MYO3B: variants seen among roughly 807,000 people sequenced by gnomAD.
MYO3B encodes myosin-IIIb.
A neutral mutation model predicts 174.6 loss-of-function variants in MYO3B; 156 were observed. That is an observed-to-expected ratio of 0.89 (90% confidence interval 0.78 to 1.02). The LOEUF is 1.02. Among genes scored for constraint, MYO3B ranks in the 50% least tolerant of loss-of-function variants. The pLI is 0.00. For missense variants in MYO3B, 1,632 were observed against 1,639.4 expected (o/e 1.00, Z 0.08); for synonymous variants, 563 against 569.1 (o/e 0.99, Z 0.15).
intron 30 of MYO3B, among the ~76,000 whole-genome samples, chr2:170,528,173 C>G (rs988327789): frequency 6.6e-6 from 1 of 152,176 alleles, no homozygotes; most frequent in African/African-American, 2.4e-5. Flanking sequence ...TTCTGTGATG[C>G]ATCTACCTTC....
rs145449479 is a variant in MYO3B at position 170,479,839 on chromosome 2, G to A, written c.3014+13128G>A. Among the ~76,000 whole-genome samples, 1,006 of 147,836 alleles carry A rather than the reference G, an allele frequency of 6.8e-3. 18 individuals carry two copies. Among genetic ancestry groups the A allele is most frequent in the African/African-American group, 0.023 (939 of 40,602 alleles). On this transcript the variant is annotated intron_variant, in intron 25 of 34. Coordinates refer to ENST00000408978, the MANE Select transcript of MYO3B (RefSeq NM_138995.5). ...ACACATATATAGGTTTAATATATAC[G>A]TATATATGCATATATAGGTGTATAT...
At chr2:170,644,716 A>G in intron 32 of MYO3B, 1 of 152,224 alleles carries the variant, frequency 6.6e-6, no homozygotes, top group Admixed American at 6.5e-5. Flanking sequence ...TGACAGATTG[A>G]CTGAATTCAG....
At chr2:170,369,475 A>G (rs1272449125) in intron 9 of MYO3B, 98 bp downstream of exon 9, 16 of 1,320,146 alleles carry the variant, frequency 1.2e-5, no homozygotes, top group Non-Finnish European at 1.5e-5. Flanking sequence ...TAGTTATTAC[A>G]TTCCTGCATT....
At chr2:170,226,889 C>T (rs1229373932) in intron 6 of MYO3B, among the ~76,000 whole-genome samples, 2 of 152,122 alleles carry the variant, frequency 1.3e-5, no homozygotes, top group African/African-American at 2.4e-5. Context: ...CTGCTGTTGC[C>T]CCTTCTCTTC....
chr2:170,573,397 T>C (rs1437316736), intron 32 of MYO3B, among the ~76,000 whole-genome samples: 4 of 152,018 alleles, frequency 2.6e-5, no homozygotes, highest in Admixed American at 1.3e-4. Flanking sequence ...AATTAATTCT[T>C]CCAAAAACAG....
chr2:170,188,299 T>C (rs2092494626), intron 1 of MYO3B, among the ~76,000 whole-genome samples: 1 of 152,156 alleles, frequency 6.6e-6, no homozygotes, highest in East Asian at 1.9e-4. Flanking sequence ...TCCATTTGCA[T>C]AGAATATTTT....
intron 6 of MYO3B, among the ~76,000 whole-genome samples, chr2:170,223,286 C>T (rs561336334): frequency 1.3e-5 from 2 of 152,300 alleles, no homozygotes; most frequent in East Asian, 3.9e-4. Context: ...CACAGTCTTC[C>T]TATTAGCCAT....
intron 7 of MYO3B, among the ~76,000 whole-genome samples, chr2:170,255,646 G>C (rs1366250448): frequency 6.6e-6 from 1 of 151,964 alleles, no homozygotes; most frequent in Non-Finnish European, 1.5e-5. Context: ...AAAAAACCCA[G>C]AACCCCATTC....
intron 7 of MYO3B, among the ~76,000 whole-genome samples, chr2:170,296,601 A>G (rs1481205227): frequency 6.6e-6 from 1 of 152,194 alleles, no homozygotes; most frequent in African/African-American, 2.4e-5. Context: ...TTCATGGGTC[A>G]TAAGCCCACT....
intron 22 of MYO3B, among the ~76,000 whole-genome samples, chr2:170,437,822 G>A (rs867718721): frequency 8.5e-5 from 13 of 152,088 alleles, no homozygotes; most frequent in Middle Eastern, 3.4e-3. Context: ...TCACAATGGC[G>A]CGCTCTATCG....
chr2:170,261,271 C>T (rs992177289), intron 7 of MYO3B, among the ~76,000 whole-genome samples: 1 of 152,054 alleles, frequency 6.6e-6, no homozygotes, highest in Non-Finnish European at 1.5e-5. Context: ...GGATCCCACC[C>T]GCCTCAGCCT....
intron 2 of MYO3B, 130 bp downstream of exon 2, chr2:170,199,521 G>C: frequency 5.4e-6 from 4 of 743,788 alleles, no homozygotes; most frequent in Non-Finnish European, 8.3e-6. Flanking sequence ...GTCATGATTT[G>C]TCAGCTTCTC....
chr2:170,519,547 A>G lies in MYO3B; in HGVS notation c.3575+7A>G, dbSNP rs753417219. On this transcript the variant is annotated splice_region_variant and intron_variant, in intron 30 of 34. Coordinates refer to ENST00000408978, the MANE Select transcript of MYO3B (RefSeq NM_138995.5). ...CTGTCACAGAGAAAAATGGGTGAGCATTATCTGCTAAGAGTTCCCTGTTGT... is the reference window on the plus strand; with the variant it reads ...CTGTCACAGAGAAAAATGGGTGAGCGTTATCTGCTAAGAGTTCCCTGTTGT... 1.6e-5 allele frequency: 25 copies of G among 1,610,078 alleles called. No homozygotes were observed. The highest frequency in any genetic ancestry group is 2.0e-5 in the Non-Finnish European group (24 of 1,176,500).
Position 170,222,688 on chromosome 2 carries a change from A to T in MYO3B, c.603+5293A>T, listed in dbSNP as rs150886004. Among the ~76,000 whole-genome samples the T allele has an allele frequency of 3.9e-5, 6 of 152,244 alleles. No homozygotes were observed. In the East Asian group the frequency reaches 1.2e-3, roughly 29 times the overall value. ...GTATGACCTCATCTGAATTCAACTA[A>T]TTGTATATACAGTGACCCTATTTCC... On this transcript the variant is annotated intron_variant, in intron 6 of 34. Coordinates refer to ENST00000408978, the MANE Select transcript of MYO3B (RefSeq NM_138995.5).
At chr2:170,373,622 G>T (rs900737547) in intron 9 of MYO3B, among the ~76,000 whole-genome samples, 1 of 152,068 alleles carries the variant, frequency 6.6e-6, no homozygotes, top group African/African-American at 2.4e-5. Flanking sequence ...AAAGGGGAAG[G>T]ATATATATAG....
intron 6 of MYO3B, among the ~76,000 whole-genome samples, chr2:170,234,737 C>A (rs535953429): frequency 6.6e-6 from 1 of 152,314 alleles, no homozygotes; most frequent in African/African-American, 2.4e-5. Context: ...CAATTCTATT[C>A]TGGTGGTTGC....
chr2:170,367,638 G>A (rs2094208933), intron 8 of MYO3B, among the ~76,000 whole-genome samples: 1 of 152,050 alleles, frequency 6.6e-6, no homozygotes, highest in Non-Finnish European at 1.5e-5. Context: ...CTTTTTTCAG[G>A]AAACATGGTT....
chr2:170,627,849 A>G (rs1696590776), intron 32 of MYO3B, among the ~76,000 whole-genome samples: 1 of 152,156 alleles, frequency 6.6e-6, no homozygotes, highest in East Asian at 1.9e-4. Flanking sequence ...TCACCAGCGG[A>G]GGGTGTAGAT....
intron 7 of MYO3B, among the ~76,000 whole-genome samples, chr2:170,318,543 G>A (rs2093792246): frequency 6.6e-6 from 1 of 152,104 alleles, no homozygotes; most frequent in South Asian, 2.1e-4. Context: ...GTGGTTATTG[G>A]GCTGTACCCC....
Sources: gnomAD v4.1 joint callset for allele counts (sites outside exome capture counted in the v4.1 genomes callset) on GRCh38, gnomAD v4.1.1 for gene constraint, MANE v1.5 for transcripts, NCBI Gene and HGNC (gene_info 2026-07-23, HGNC 2026-07-21) for gene names.